RHOH: variants seen among roughly 807,000 people sequenced by gnomAD.
The protein encoded by RHOH is rho-related GTP-binding protein RhoH.
In RHOH, 6 loss-of-function variants were observed where a neutral mutation model predicts 13.8. The ratio of observed to expected loss-of-function variants is 0.44; its 90% CI spans 0.24 to 0.86. RHOH has a LOEUF of 0.86. RHOH is among the 40% of genes least tolerant of loss of function. The pLI is 0.24. For synonymous variants in RHOH, 117 were observed against 103.0 expected, an observed-to-expected ratio of 1.14 and a Z score of -0.82; for missense variants, 147 against 244.5, an observed-to-expected ratio of 0.60 and a Z score of 2.66.
upstream of RHOH, chr4:40,193,137 C>G (rs2109325294): frequency 6.6e-6 from 1 of 152,488 alleles, no homozygotes; most frequent in Admixed American, 6.5e-5. Context: ...AGTGCTCTGG[C>G]CGTGTTAACA....
Position 40,245,799 on chromosome 4 carries a change from C to G in RHOH, c.*1837C>G, listed in dbSNP as rs1204256535. On this transcript the variant is annotated 3_prime_UTR_variant, in exon 3 of 3. Coordinates refer to ENST00000381799, the MANE Select transcript of RHOH (RefSeq NM_004310.5). ...GTGGTCAATTCCTTACAGCTATAATCAGTATCAAAAACCAAATGTGTGCTC... is the reference window on the plus strand; with the variant it reads ...GTGGTCAATTCCTTACAGCTATAATGAGTATCAAAAACCAAATGTGTGCTC... 6.6e-6 allele frequency: 1 copy of G among 152,190 alleles called. No homozygotes were observed. Among genetic ancestry groups the G allele is most frequent in the Non-Finnish European group, 1.5e-5 (1 of 68,044 alleles). 9.4% of individuals were successfully genotyped at this position (152,190 alleles called of 1,614,324 possible).
chr4:40,225,170 C>T (rs1727069890), intron 1 of RHOH, among the ~76,000 whole-genome samples: 2 of 152,176 alleles, frequency 1.3e-5, no homozygotes, highest in South Asian at 4.1e-4. Context: ...CTGGAGTGCA[C>T]TGGCGAAATC....
chr4:40,235,760 A>G (rs866681303), intron 1 of RHOH, among the ~76,000 whole-genome samples: 2 of 151,948 alleles, frequency 1.3e-5, no homozygotes, highest in South Asian at 2.1e-4. Context: ...GATTGCTTGA[A>G]CCCAGGAGTT....
chr4:40,204,362 A>G (rs915830851), intron 1 of RHOH, among the ~76,000 whole-genome samples: 2 of 152,204 alleles, frequency 1.3e-5, no homozygotes, highest in Non-Finnish European at 2.9e-5. Flanking sequence ...GCAAGGGTCT[A>G]ACGCCTGAAA....
At chr4:40,226,988 G>A (rs996901666) in intron 1 of RHOH, among the ~76,000 whole-genome samples, 7 of 151,922 alleles carry the variant, frequency 4.6e-5, no homozygotes, top group African/African-American at 1.5e-4. Flanking sequence ...GCGAAATCCC[G>A]TTTCTACTAA....
At chr4:40,219,894 G>T (rs978550879) in intron 1 of RHOH, among the ~76,000 whole-genome samples, 71 of 152,254 alleles carry the variant, frequency 4.7e-4, no homozygotes, top group African/African-American at 1.6e-3. Flanking sequence ...ATATAAAAAT[G>T]TGTGTGTAAT....
chr4:40,232,391 A>AT lies in RHOH; in HGVS notation c.-330-10310dup, dbSNP rs11324243. On this transcript the variant is annotated intron_variant, in intron 1 of 2. Transcript: ENST00000381799. ...AGGCATGCTCCACCATGCCTGGCTA[A>AT]TTTTTTTTTTTTTAGTATAGACTTG... Among the ~76,000 whole-genome samples the AT allele has an allele frequency of 5.5e-3, 820 of 147,992 alleles. 12 individuals are homozygous for AT. The highest frequency in any genetic ancestry group is 0.018 in the African/African-American group (716 of 40,276).
At chr4:40,205,963 T>G (rs1261057564) in intron 1 of RHOH, 1 of 152,270 alleles carries the variant, frequency 6.6e-6, no homozygotes, top group East Asian at 1.9e-4. Flanking sequence ...ATTTTAATTA[T>G]TGCACATCCA....
intron 1 of RHOH, among the ~76,000 whole-genome samples, chr4:40,226,041 G>A (rs564739589): frequency 8.4e-4 from 128 of 152,238 alleles, no homozygotes; most frequent in African/African-American, 2.6e-3. Flanking sequence ...TTCAAACAGC[G>A]TCTGGCAAAT....
At chr4:40,241,668 T>C (rs1173127274) in intron 1 of RHOH, among the ~76,000 whole-genome samples, 1 of 152,046 alleles carries the variant, frequency 6.6e-6, no homozygotes, top group Admixed American at 6.6e-5. Context: ...GGCAGGAGGA[T>C]CCCTGAGGCC....
intron 1 of RHOH, among the ~76,000 whole-genome samples, chr4:40,238,007 G>A (rs997581904): frequency 1.3e-5 from 2 of 152,164 alleles, no homozygotes; most frequent in East Asian, 3.8e-4. Flanking sequence ...AAGTACAAAC[G>A]GAAATTATTT....
At position 40,244,638 on chromosome 4, in the gene RHOH, A is replaced by T. The variant is rs532238463; in HGVS notation, c.*676A>T. On this transcript the variant is annotated 3_prime_UTR_variant, in exon 3 of 3. Coordinates refer to ENST00000381799, the MANE Select transcript of RHOH (RefSeq NM_004310.5). Reference sequence around the variant, plus strand: ...GTTATCACTATATTTTTCTGAAATGATAAAACATCATTCATTTATTTACTA... The same window carrying T: ...GTTATCACTATATTTTTCTGAAATGTTAAAACATCATTCATTTATTTACTA... The T allele has an allele frequency of 7.1e-5, 14 of 195,924 alleles. No homozygotes were observed. The highest frequency in any genetic ancestry group is 1.5e-4 in the Non-Finnish European group (13 of 87,112). The allele number at this position is 195,924 out of a possible 1,614,324, so 12.1% of individuals were successfully genotyped here.
intron 1 of RHOH, among the ~76,000 whole-genome samples, chr4:40,214,253 T>TA: frequency 6.6e-6 from 1 of 152,276 alleles, no homozygotes; most frequent in African/African-American, 2.4e-5. Flanking sequence ...GGTTACAAGA[T>TA]ATGGGCATCA....
rs182245989 is a variant in RHOH at position 40,213,767 on chromosome 4, T to A, written c.-331+16467T>A. ...TCTAGTTCCTTTTTAAAAATTTTTC[T>A]TTTTTGTTGAGATAGAGTCTTGCTC... On this transcript the variant is annotated intron_variant, in intron 1 of 2. Transcript: ENST00000381799. 7.0e-3 allele frequency among the ~76,000 whole-genome samples: 1,070 copies of A among 152,162 alleles called. 12 individuals carry two copies. The highest frequency in any genetic ancestry group is 0.024 in the African/African-American group (1,006 of 41,468).
intron 1 of RHOH, among the ~76,000 whole-genome samples, chr4:40,210,225 T>C (rs1289853068): frequency 6.6e-6 from 1 of 152,158 alleles, no homozygotes; most frequent in East Asian, 1.9e-4. Flanking sequence ...ATGCTTTGTA[T>C]AACAATTGTG....
At position 40,215,572 on chromosome 4, in the gene RHOH, G is replaced by A. The variant is rs150082552; in HGVS notation, c.-331+18272G>A. Among the ~76,000 whole-genome samples, 251 of 152,294 alleles carry A rather than the reference G, an allele frequency of 1.6e-3. 2 individuals are homozygous for A. The highest frequency in any genetic ancestry group is 5.7e-3 in the African/African-American group (238 of 41,552). ...CCAGTTTCTTGGGATAGGGAAGGGG[G>A]TGGAATTACTTCTGACTCACCCTTA... On this transcript the variant is annotated intron_variant, in intron 1 of 2. Transcript: ENST00000381799.
chr4:40,194,596 G>A (rs929096581), upstream of RHOH, among the ~76,000 whole-genome samples: 1 of 152,118 alleles, frequency 6.6e-6, no homozygotes, highest in Non-Finnish European at 1.5e-5. Flanking sequence ...GGCTGGTCTT[G>A]GACTCCTGGG....
chr4:40,193,488 G>GAGAGAGAA, upstream of RHOH, among the ~76,000 whole-genome samples: 1 of 136,312 alleles, frequency 7.3e-6, no homozygotes, highest in African/African-American at 2.7e-5. Flanking sequence ...GCGAGAGAGA[G>GAGAGAGAA]AGAGAGAGAG....
intron 1 of RHOH, among the ~76,000 whole-genome samples, chr4:40,205,346 C>G (rs1172865565): frequency 1.3e-5 from 2 of 152,162 alleles, no homozygotes; most frequent in Admixed American, 6.5e-5. Flanking sequence ...TCAGCTGATG[C>G]CCCTAAGCAA....
Sources: gnomAD v4.1 joint callset for allele counts (sites outside exome capture counted in the v4.1 genomes callset) on GRCh38, gnomAD v4.1.1 for gene constraint, MANE v1.5 for transcripts, NCBI Gene and HGNC (gene_info 2026-07-23, HGNC 2026-07-21) for gene names.